The following ATP11A variants were observed in gnomAD, a reference collection of about 807,000 sequenced individuals.
The protein encoded by ATP11A is phospholipid-transporting ATPase IH.
In ATP11A, 81 loss-of-function variants were observed where a neutral mutation model predicts 154.4. The observed-to-expected ratio is 0.52, with a 90% confidence interval of 0.44 to 0.63. The LOEUF (loss-of-function observed/expected upper bound fraction) is 0.63, where lower values mean the gene tolerates loss of function less well. Ranked by LOEUF, ATP11A falls within the 30% of genes least tolerant of loss-of-function variation. ATP11A has a pLI of 0.00. For synonymous variants in ATP11A, 623 were observed against 585.9 expected (o/e 1.06, Z -0.91); for missense variants, 1,316 against 1,474.3 (o/e 0.89, Z 1.76).
intron 9 of ATP11A, among the ~76,000 whole-genome samples, chr13:112,823,887 G>A (rs1241212815): frequency 6.6e-6 from 1 of 152,108 alleles, no homozygotes; most frequent in African/African-American, 2.4e-5. Context: ...GATGCCCAAG[G>A]CCCTATTTGC....
chr13:112,732,496 C>G (rs1890592063), intron 1 of ATP11A, among the ~76,000 whole-genome samples: 1 of 152,142 alleles, frequency 6.6e-6, no homozygotes, highest in South Asian at 2.1e-4. Flanking sequence ...CCAGCTCCAT[C>G]TCTCTCCAGC....
At chr13:112,819,728 T>C (rs1445662767) in intron 7 of ATP11A, among the ~76,000 whole-genome samples, 172 bp from the exon 8 acceptor site, 1 of 152,188 alleles carries the variant, frequency 6.6e-6, no homozygotes, top group Non-Finnish European at 1.5e-5. Flanking sequence ...AGCCATGAGC[T>C]GATCAGAACA....
Position 112,785,235 on chromosome 13 carries a change from A to C in ATP11A, c.140A>C (p.Asp47Ala), listed in dbSNP as rs148138018. 653 of 1,548,746 alleles carry C rather than the reference A, an allele frequency of 4.2e-4. 1 individual carries two copies. The highest frequency in any genetic ancestry group is 8.5e-4 in the South Asian group (70 of 82,224). Residue 47 changes from aspartate (D) to alanine (A), a missense_variant, in exon 2 of 30, where the codon GAC (aspartate) becomes GCC (alanine). Physicochemically the swap from Asp to Ala is moderately radical, Grantham distance 126. Transcript: ENST00000375645. The surrounding 1 kb of genome is among the most constrained non-coding windows in gnomAD (Gnocchi z 4.8). ...GCCTACATCCCACAGAGATACCCAG[A>C]CAACAGGATCGTCTCGTCCAAGGTA... Reference protein sequence around the residue: ...AEAYIPQRYPDNRIVSSKYTF... With the variant: ...AEAYIPQRYPANRIVSSKYTF...
At chr13:112,726,636 G>A (rs1397822164) in intron 1 of ATP11A, among the ~76,000 whole-genome samples, 3 of 152,206 alleles carry the variant, frequency 2.0e-5, no homozygotes, top group Non-Finnish European at 2.9e-5. Context: ...TGCAGATGCT[G>A]GGGGACAGAA....
chr13:112,818,948 C>T (rs1027067748), intron 6 of ATP11A, among the ~76,000 whole-genome samples: 12 of 152,310 alleles, frequency 7.9e-5, no homozygotes, highest in African/African-American at 2.4e-4. Flanking sequence ...GACCGCTCCC[C>T]GTAAACAACA....
At chr13:112,858,395 C>T (rs1432541527) in intron 22 of ATP11A, 105 bp downstream of exon 22, 18 of 1,181,406 alleles carry the variant, frequency 1.5e-5, no homozygotes, top group Admixed American at 5.4e-5. Flanking sequence ...CATTGATCTC[C>T]GAGGAGCAGC....
chr13:112,840,554 C>T (rs2079382609), intron 16 of ATP11A, among the ~76,000 whole-genome samples: 1 of 148,884 alleles, frequency 6.7e-6, no homozygotes, highest in South Asian at 2.2e-4. Context: ...CTCTCCTGTC[C>T]CCTCCAGCCT....
intron 17 of ATP11A, among the ~76,000 whole-genome samples, chr13:112,844,034 G>A (rs534537708): frequency 1.3e-5 from 2 of 152,286 alleles, no homozygotes; most frequent in African/African-American, 2.4e-5. Flanking sequence ...CCTGCGCTTC[G>A]ACACACAATG....
intron 29 of ATP11A, among the ~76,000 whole-genome samples, chr13:112,879,133 C>T (rs1054296682): frequency 3.3e-5 from 5 of 152,248 alleles, no homozygotes; most frequent in Admixed American, 6.5e-5. Context: ...CACCAAATAC[C>T]GCCTTCACGC....
intron 17 of ATP11A, among the ~76,000 whole-genome samples, chr13:112,843,908 A>G (rs1011485207): frequency 3.9e-5 from 6 of 152,214 alleles, no homozygotes; most frequent in African/African-American, 7.2e-5. Flanking sequence ...AATCAGCAGC[A>G]GGTTAAAGAT....
chr13:112,787,138 A>T (rs1462014836), intron 2 of ATP11A, among the ~76,000 whole-genome samples: 1 of 135,092 alleles, frequency 7.4e-6, no homozygotes, highest in Non-Finnish European at 1.5e-5. Context: ...CCCTGTGGAG[A>T]CCTACTTAAT....
chr13:112,871,064 C>T (rs1335270553), intron 25 of ATP11A, among the ~76,000 whole-genome samples: 1 of 152,346 alleles, frequency 6.6e-6, no homozygotes, highest in East Asian at 1.9e-4. Context: ...CAGCCCTGTC[C>T]TGTCTGCCGG....
At chr13:112,876,788 G>C (rs1306818231) in intron 28 of ATP11A, among the ~76,000 whole-genome samples, 1 of 152,178 alleles carries the variant, frequency 6.6e-6, no homozygotes, top group Non-Finnish European at 1.5e-5. Flanking sequence ...GTGAGTGGGG[G>C]CCGGGGCCCC....
chr13:112,862,763 C>A (rs1264951318), intron 25 of ATP11A, among the ~76,000 whole-genome samples, 188 bp downstream of exon 25: 10 of 102,760 alleles, frequency 9.7e-5, no homozygotes, highest in South Asian at 3.2e-4. Context: ...CCACATGTGC[C>A]GTAATTCAGT....
chr13:112,778,299 C>T (rs187893316), intron 1 of ATP11A, among the ~76,000 whole-genome samples: 177 of 152,342 alleles, frequency 1.2e-3, no homozygotes, highest in Non-Finnish European at 1.9e-3. Context: ...GAGAGGAGGT[C>T]GTCCAGGTCA....
At chr13:112,781,136 C>G (rs1351851961) in intron 1 of ATP11A, among the ~76,000 whole-genome samples, 1 of 152,160 alleles carries the variant, frequency 6.6e-6, no homozygotes, top group Non-Finnish European at 1.5e-5. Flanking sequence ...CCTCCGGGTT[C>G]AAGCGATTCT....
intron 1 of ATP11A, among the ~76,000 whole-genome samples, chr13:112,737,905 G>A (rs1452836650): frequency 2.6e-5 from 4 of 152,098 alleles, no homozygotes; most frequent in African/African-American, 4.8e-5. Flanking sequence ...TGCTGCTTCC[G>A]GAAGCCCATT....
intron 1 of ATP11A, chr13:112,717,760 AAC>A (rs1440658061): frequency 6.6e-6 from 1 of 152,240 alleles, no homozygotes; most frequent in East Asian, 1.9e-4. Flanking sequence ...AAAAGTTTCA[AAC>A]ACACATCTGT....
At chr13:112,710,707 G>C (rs1887632136) in intron 1 of ATP11A, among the ~76,000 whole-genome samples, 1 of 152,366 alleles carries the variant, frequency 6.6e-6, no homozygotes, top group East Asian at 1.9e-4. Context: ...GTTCACAGGT[G>C]GTGAGTGTGG....
Sources: allele counts gnomAD v4.1 joint callset (sites outside exome capture counted in the v4.1 genomes callset), GRCh38; gene constraint gnomAD v4.1.1; non-coding constraint Gnocchi (gnomAD v3.1); transcripts MANE v1.5; gene names NCBI Gene and HGNC (gene_info 2026-07-23, HGNC 2026-07-21).